Variants in MIA3 observed in about 807,000 individuals in gnomAD.
The protein encoded by MIA3 is MIA SH3 domain ER export factor 3.
Under a neutral mutation model 192.4 loss-of-function variants are expected in MIA3, and 90 were observed. The observed-to-expected ratio is 0.47, with a 90% confidence interval of 0.39 to 0.56. The LOEUF is 0.56. MIA3 is among the 20% of genes least tolerant of loss of function. MIA3 has a pLI of 0.00. For missense variants in MIA3, 2,123 were observed against 2,269.4 expected (o/e 0.94, Z 1.31); for synonymous variants, 740 against 792.8 (o/e 0.93, Z 1.12).
intron 7 of MIA3, among the ~76,000 whole-genome samples, chr1:222,647,597 G>A (rs1330647220): frequency 6.6e-6 from 1 of 152,134 alleles, no homozygotes; most frequent in Non-Finnish European, 1.5e-5. Flanking sequence ...GTAAATGGAA[G>A]GGGAAAAGTT....
intron 11 of MIA3, among the ~76,000 whole-genome samples, 191 bp downstream of exon 11, chr1:222,651,094 G>T (rs1441072233): frequency 6.6e-6 from 1 of 151,970 alleles, no homozygotes; most frequent in Non-Finnish European, 1.5e-5. Flanking sequence ...GGCCTAGGAA[G>T]TATTTTGGTT....
At chr1:222,627,448 G>T (rs1662169605) in intron 3 of MIA3, 127 bp from the exon 4 acceptor site, 12 of 770,646 alleles carry the variant, frequency 1.6e-5, no homozygotes, top group Admixed American at 7.8e-5. Flanking sequence ...TCAGTGCCCA[G>T]TGTTGACGCA....
chr1:222,634,873 T>G (rs1423497455), intron 6 of MIA3, among the ~76,000 whole-genome samples: 1 of 152,246 alleles, frequency 6.6e-6, no homozygotes, highest in Non-Finnish European at 1.5e-5. Flanking sequence ...ATTACTAAAC[T>G]TTGAACCTCA....
intron 3 of MIA3, among the ~76,000 whole-genome samples, 159 bp downstream of exon 3, chr1:222,625,013 C>T (rs1662044452): frequency 6.6e-6 from 1 of 151,584 alleles, no homozygotes. Flanking sequence ...AGGCTATGTA[C>T]TCTTTTTTTT....
At chr1:222,655,405 T>G (rs997692091) in intron 18 of MIA3, among the ~76,000 whole-genome samples, 4 of 152,240 alleles carry the variant, frequency 2.6e-5, no homozygotes, top group African/African-American at 9.6e-5. Context: ...TCAAGTTTTT[T>G]GTCCACAAAA....
chr1:222,631,961 TC>T (rs1662414216), intron 4 of MIA3, among the ~76,000 whole-genome samples: 1 of 152,228 alleles, frequency 6.6e-6, no homozygotes, highest in East Asian at 1.9e-4. Flanking sequence ...TATGAAATAC[TC>T]CTCTGTAGAT....
At chr1:222,661,098 T>A (rs1663987013) in intron 24 of MIA3, 1 of 152,310 alleles carries the variant, frequency 6.6e-6, no homozygotes, top group Admixed American at 6.5e-5. Flanking sequence ...ATCTCTCCAG[T>A]AAATTGTGTA....
chr1:222,631,989 G>T (rs1208729459), intron 4 of MIA3, among the ~76,000 whole-genome samples, 176 bp from the exon 5 acceptor site: 1 of 152,148 alleles, frequency 6.6e-6, no homozygotes, highest in South Asian at 2.1e-4. Context: ...ATGTAGATTA[G>T]TCATCCTTTA....
In MIA3 at chr1:222,653,184, A is replaced by C. The variant is rs1663532579; in HGVS notation, c.4210-44A>C. The C allele has an allele frequency of 1.9e-6, 3 of 1,596,346 alleles. No homozygotes were observed. The East Asian group carries it at 6.7e-5, about 36-fold the overall frequency. ...TTCTTGTGAATTATCAAATCTGTTG[A>C]ATTAAATGGAAAGACTCTTAATGCC... On this transcript the variant is annotated intron_variant, in intron 14 of 27. Coordinates refer to ENST00000344922, the MANE Select transcript of MIA3 (RefSeq NM_198551.4).
intron 19 of MIA3, 126 bp downstream of exon 19, chr1:222,658,949 T>G (rs1366948641): frequency 1.6e-6 from 1 of 614,810 alleles, no homozygotes; most frequent in Admixed American, 3.5e-5. Context: ...AAAGAAAAAC[T>G]AAATTTTAAG....
rs1663601097 is a variant in MIA3, at chr1:222,654,451, C to T, written c.4440C>T (p.Ala1480=). The change falls in exon 17 of 28, where the codon GCC becomes GCT. Residue 1480 remains alanine (A), a synonymous_variant. Transcript: ENST00000344922. ...AGCTTTTACAGCTTAAGCTAAGAGC[C>T]TCCGTGTCCACTAAATGTAACCTGG... is the stretch of plus-strand genomic sequence containing the variant. ...DLKLLQLKLR[A]SVSTKCNLED... 6 of 1,613,450 alleles carry T rather than the reference C, an allele frequency of 3.7e-6. No individual in the cohort carries two copies. The highest frequency in any genetic ancestry group is 1.3e-5 in the African/African-American group (1 of 74,900).
rs375294073 is a variant in MIA3, at chr1:222,652,521, G to C, written c.4086+189G>C. Among the ~76,000 whole-genome samples the C allele has an allele frequency of 1.8e-4, 28 of 152,306 alleles. 1 individual carries two copies. The highest frequency in any genetic ancestry group is 6.7e-4 in the African/African-American group (28 of 41,562). ...ATTCTCTATCTGTTCTGGATTTTCT[G>C]TTCTGTACAATTTATTTTGGCTATC... On this transcript the variant is annotated intron_variant, in intron 13 of 27. Transcript: ENST00000344922.
At chr1:222,618,530 C>CG (rs1033273265) in intron 1 of MIA3, among the ~76,000 whole-genome samples, 15 of 152,318 alleles carry the variant, frequency 9.8e-5, no homozygotes, top group Admixed American at 4.6e-4. Flanking sequence ...TCTGCTGAGG[C>CG]GGGGGGTTGC....
Position 222,629,285 on chromosome 1 carries a change from G to A in MIA3, c.2065G>A (p.Glu689Lys). ...EGEAKEDSLDEEFFHHKAMQG... is the reference protein window; with the variant it reads ...EGEAKEDSLDKEFFHHKAMQG... The stretch of plus-strand genomic sequence containing the variant: ...AGAAGCCAAAGAGGACTCCTTGGAT[G>A]AAGAGTTTTTTCATCACAAGGCAAT... The change falls in exon 4 of 28, where the codon GAA becomes AAA. Residue 689 changes from glutamate (E) to lysine (K), a missense_variant. Glu to Lys is a moderately conservative substitution (Grantham distance 56, BLOSUM62 1). Coordinates refer to ENST00000344922, the MANE Select transcript of MIA3 (RefSeq NM_198551.4). 1 of 1,614,220 alleles carries A rather than the reference G, an allele frequency of 6.2e-7. No homozygotes were observed. Among genetic ancestry groups the A allele is most frequent in the Non-Finnish European group, 8.5e-7 (1 of 1,180,040 alleles).
chr1:222,628,515 C>T lies in MIA3; in HGVS notation c.1295C>T (p.Thr432Ile), dbSNP rs770100302. The T allele has an allele frequency of 2.5e-6, 4 of 1,613,738 alleles. No homozygotes were observed. The highest frequency in any genetic ancestry group is 1.7e-5 in the Admixed American group (1 of 59,960). The change falls in exon 4 of 28, where the codon ACA becomes ATA. Residue 432 changes from threonine to isoleucine, a missense_variant. Coordinates refer to ENST00000344922, the MANE Select transcript of MIA3 (RefSeq NM_198551.4). ...DSKQGKPQSA[T>I]DYSDPDNVDD... ...AAACAGGGGAAACCACAGTCAGCAA[C>T]AGATTATAGTGACCCTGACAATGTA...
intron 7 of MIA3, chr1:222,647,937 A>G: frequency 2.6e-6 from 1 of 384,294 alleles, no homozygotes; most frequent in South Asian, 1.8e-5. Flanking sequence ...TATTGTATAC[A>G]GTAATACAGT....
At chr1:222,645,132 A>T (rs1277121727) in intron 6 of MIA3, among the ~76,000 whole-genome samples, 1 of 152,228 alleles carries the variant, frequency 6.6e-6, no homozygotes, top group Non-Finnish European at 1.5e-5. Flanking sequence ...GATATTCATT[A>T]TCATCATATT....
rs1664340772 is a variant in MIA3, at chr1:222,667,468, G to A, written c.*1849G>A. On this transcript the variant is annotated 3_prime_UTR_variant, in exon 28 of 28. Coordinates refer to ENST00000344922, the MANE Select transcript of MIA3 (RefSeq NM_198551.4). ...TTATGCCATCTAGGAAGGTAAGTAG[G>A]AAAGGTAAATTAAATCTATTTTTAA... 6.6e-6 allele frequency: 1 copy of A among 151,794 alleles called. No homozygotes were observed. Among genetic ancestry groups the A allele is most frequent in the Admixed American group, 6.6e-5 (1 of 15,236 alleles). 9.4% of individuals were successfully genotyped at this position (151,794 alleles called of 1,614,324 possible).
chr1:222,660,806 G>A (rs1419270696), intron 24 of MIA3: 1 of 152,582 alleles, frequency 6.6e-6, no homozygotes, highest in East Asian at 1.9e-4. Context: ...ATACTAGTTT[G>A]TGTTATAAAC....
Sources: gnomAD v4.1 joint callset for allele counts (sites outside exome capture counted in the v4.1 genomes callset) on GRCh38, gnomAD v4.1.1 for gene constraint, MANE v1.5 for transcripts, NCBI Gene and HGNC (gene_info 2026-07-23, HGNC 2026-07-21) for gene names.